TNKS: variants seen among roughly 807,000 people sequenced by gnomAD.
The protein encoded by TNKS is poly [ADP-ribose] polymerase tankyrase-1.
Under a neutral mutation model 135.8 loss-of-function variants are expected in TNKS, and 72 were observed. The ratio of observed to expected loss-of-function variants is 0.53; its 90% CI spans 0.44 to 0.64. The LOEUF (loss-of-function observed/expected upper bound fraction) is 0.64. Ranked by LOEUF, TNKS falls within the 30% of genes least tolerant of loss-of-function variation. The probability of loss-of-function intolerance (pLI) is 0.00; values close to 1 mark genes in which losing one functional copy is unlikely to be tolerated. For missense variants in TNKS, 1,769 were observed against 1,674.0 expected, an observed-to-expected ratio of 1.06 and a Z score of -0.99; for synonymous variants, 849 against 649.3, an observed-to-expected ratio of 1.31 and a Z score of -4.68.
intron 2 of TNKS, among the ~76,000 whole-genome samples, chr8:9,584,720 C>T (rs1798301948): frequency 6.6e-6 from 1 of 152,180 alleles, no homozygotes; most frequent in Non-Finnish European, 1.5e-5. Flanking sequence ...AGTCTCACTG[C>T]CCTCACACAG....
chr8:9,636,763 T>C (rs1218497244), intron 3 of TNKS, among the ~76,000 whole-genome samples: 2 of 152,178 alleles, frequency 1.3e-5, no homozygotes, highest in African/African-American at 4.8e-5. Flanking sequence ...CTTCACTCTT[T>C]GAGAATACGT....
chr8:9,560,523 T>TC (rs1797284145), intron 1 of TNKS, among the ~76,000 whole-genome samples: 1 of 124,112 alleles, frequency 8.1e-6, no homozygotes, highest in African/African-American at 2.9e-5. Flanking sequence ...TTTTTTTTTT[T>TC]CATTTCTCGC....
At chr8:9,734,456 A>G (rs1805590264) in intron 15 of TNKS, among the ~76,000 whole-genome samples, 1 of 121,076 alleles carries the variant, frequency 8.3e-6, no homozygotes, top group African/African-American at 2.9e-5. Context: ...GTCCTTTTTT[A>G]CCAGTGTGTC....
chr8:9,582,011 A>G (rs1050533194), intron 2 of TNKS, among the ~76,000 whole-genome samples: 13 of 152,292 alleles, frequency 8.5e-5, no homozygotes, highest in Middle Eastern at 3.4e-3. Context: ...CTTGTGCCTT[A>G]TAAAAGTTGA....
chr8:9,716,219 A>G (rs1287249073), intron 11 of TNKS, among the ~76,000 whole-genome samples: 3 of 152,180 alleles, frequency 2.0e-5, no homozygotes, highest in African/African-American at 4.8e-5. Flanking sequence ...AGCGATCACG[A>G]GTCTTTGCTC....
chr8:9,583,728 C>T (rs1000652476), intron 2 of TNKS, among the ~76,000 whole-genome samples: 2 of 151,998 alleles, frequency 1.3e-5, no homozygotes, highest in African/African-American at 4.8e-5. Context: ...ACCTTGTGAT[C>T]CGCCTGTCTC....
At chr8:9,625,460 T>C (rs575482140) in intron 3 of TNKS, among the ~76,000 whole-genome samples, 1 of 152,190 alleles carries the variant, frequency 6.6e-6, no homozygotes, top group South Asian at 2.1e-4. Flanking sequence ...TTTCTGGGTT[T>C]TTGAGGTAGG....
chr8:9,672,280 C>G (rs1802308316), intron 3 of TNKS, among the ~76,000 whole-genome samples: 2 of 152,136 alleles, frequency 1.3e-5, no homozygotes, highest in Admixed American at 6.5e-5. Context: ...TAGGCATCCA[C>G]TTACATAATG....
intron 3 of TNKS, among the ~76,000 whole-genome samples, chr8:9,657,830 C>T (rs1211096393): frequency 2.0e-5 from 3 of 150,798 alleles, no homozygotes; most frequent in African/African-American, 7.3e-5. Context: ...CGGAGAGGCT[C>T]CTCACTTCTC....
At chr8:9,672,430 G>A (rs546424849) in intron 3 of TNKS, among the ~76,000 whole-genome samples, 4 of 152,044 alleles carry the variant, frequency 2.6e-5, no homozygotes, top group East Asian at 3.9e-4. Context: ...CAGCTGTGCT[G>A]TGTAGCTGTG....
intron 3 of TNKS, among the ~76,000 whole-genome samples, chr8:9,628,413 G>A (rs1800150008): frequency 6.6e-6 from 1 of 151,676 alleles, no homozygotes; most frequent in Non-Finnish European, 1.5e-5. Context: ...CATATCCGTT[G>A]GCCACTTTCT....
At chr8:9,692,181 C>T (rs570887640) in intron 5 of TNKS, among the ~76,000 whole-genome samples, 8 of 152,118 alleles carry the variant, frequency 5.3e-5, no homozygotes, top group Non-Finnish European at 8.8e-5. Flanking sequence ...TAATACCCAA[C>T]GGGTAGCCAT....
intron 3 of TNKS, among the ~76,000 whole-genome samples, chr8:9,646,140 T>A (rs774253304): frequency 3.9e-5 from 6 of 152,174 alleles, no homozygotes; most frequent in Non-Finnish European, 7.4e-5. Context: ...TTGCAAACAT[T>A]TATTGCTTGC....
intron 11 of TNKS, among the ~76,000 whole-genome samples, chr8:9,716,643 G>A (rs925141241): frequency 2.0e-5 from 3 of 152,000 alleles, no homozygotes; most frequent in South Asian, 4.1e-4. Context: ...TTTGGCTGCC[G>A]TTCTCTATGT....
chr8:9,740,905 G>C (rs577800803), intron 17 of TNKS: 1 of 131,216 alleles, frequency 7.6e-6, no homozygotes, highest in African/African-American at 2.8e-5. Flanking sequence ...CGCCTCCCGG[G>C]TTCACGCCAT....
rs936290667 is a variant in TNKS at position 9,594,700 on chromosome 8, T to C, written c.898+14317T>C. On this transcript the variant is annotated intron_variant, in intron 2 of 26. Transcript: ENST00000310430. ...AGAATTATTTATATAGAAATCATCA[T>C]TTTTTAAAATCAGTCACCTGTTGTA... is the stretch of plus-strand genomic sequence containing the variant. Among the ~76,000 whole-genome samples the C allele has an allele frequency of 2.0e-5, 3 of 152,348 alleles. No individual in the cohort carries two copies. The East Asian group carries it at 5.8e-4, about 29-fold the overall frequency.
At chr8:9,575,156 G>C (rs1358100779) in intron 1 of TNKS, 2 of 813,192 alleles carry the variant, frequency 2.5e-6, no homozygotes, top group South Asian at 5.6e-5. Flanking sequence ...GCGCGATCTC[G>C]GCTCATTGCA....
chr8:9,599,847 A>G (rs2128758402), intron 2 of TNKS, among the ~76,000 whole-genome samples: 1 of 152,308 alleles, frequency 6.6e-6, no homozygotes, highest in Middle Eastern at 3.4e-3. Flanking sequence ...AACAGGCGCA[A>G]AATTGAATTG....
At chr8:9,721,648 G>C (rs1804886063) in intron 12 of TNKS, among the ~76,000 whole-genome samples, 1 of 152,006 alleles carries the variant, frequency 6.6e-6, no homozygotes, top group Non-Finnish European at 1.5e-5. Context: ...CAGGTACAGT[G>C]CCCGCTTTTT....
Sources: allele counts gnomAD v4.1 joint callset (sites outside exome capture counted in the v4.1 genomes callset), GRCh38; gene constraint gnomAD v4.1.1; transcripts MANE v1.5; gene names NCBI Gene and HGNC (gene_info 2026-07-23, HGNC 2026-07-21).